Variants in AIG1 observed in about 807,000 individuals in gnomAD.
AIG1 encodes androgen induced 1, also known as androgen-induced gene 1 protein.
Under a neutral mutation model 31.4 loss-of-function variants are expected in AIG1, and 23 were observed. The ratio of observed to expected loss-of-function variants is 0.73; its 90% CI spans 0.53 to 1.04. The LOEUF (loss-of-function observed/expected upper bound fraction) is 1.04. Ranked by LOEUF, AIG1 falls within the 50% of genes least tolerant of loss-of-function variation. The pLI, the probability that AIG1 is intolerant of heterozygous loss-of-function variation, is 0.00. For missense variants in AIG1, 274 were observed against 295.0 expected, an observed-to-expected ratio of 0.93 and a Z score of 0.52; for synonymous variants, 100 against 110.5, an observed-to-expected ratio of 0.90 and a Z score of 0.60.
intron 1 of AIG1, among the ~76,000 whole-genome samples, chr6:143,092,425 T>C (rs191851946): frequency 2.6e-4 from 40 of 152,074 alleles, no homozygotes; most frequent in African/African-American, 9.4e-4. Context: ...AACCTATATT[T>C]CTTAAATAAT....
intron 3 of AIG1, among the ~76,000 whole-genome samples, chr6:143,239,745 A>C (rs1794099501): frequency 6.6e-6 from 1 of 152,172 alleles, no homozygotes; most frequent in African/African-American, 2.4e-5. Context: ...TGGATTTTGG[A>C]CAATTGGATG....
intron 2 of AIG1, among the ~76,000 whole-genome samples, chr6:143,143,576 T>C (rs949169757): frequency 5.8e-5 from 8 of 137,630 alleles, no homozygotes; most frequent in African/African-American, 2.1e-4. Context: ...TAATATCTTC[T>C]GATCCTCTCT....
rs575341364 is a variant in AIG1 at position 143,092,137 on chromosome 6, C to T, written c.141+31071C>T. On this transcript the variant is annotated intron_variant, in intron 1 of 5. Transcript: ENST00000357847. ...ATTTATTTTTTGAGATAGGATATAT[C>T]TCTCTCACCCATGCTGGAATGCAGT... 6.6e-5 allele frequency among the ~76,000 whole-genome samples: 10 copies of T among 152,226 alleles called. No individual in the cohort carries two copies. The East Asian group carries it at 1.7e-3, about 26-fold the overall frequency.
chr6:143,170,451 C>T (rs1787389692), intron 3 of AIG1, among the ~76,000 whole-genome samples: 1 of 151,898 alleles, frequency 6.6e-6, no homozygotes, highest in African/African-American at 2.4e-5. Flanking sequence ...GGAGCTGTAC[C>T]CCTCCTGATC....
intron 3 of AIG1, among the ~76,000 whole-genome samples, chr6:143,166,318 C>T (rs556737285): frequency 1.6e-4 from 24 of 152,286 alleles, no homozygotes; most frequent in Non-Finnish European, 7.4e-5. Context: ...TAGCCATCCA[C>T]GGGGCCTGGC....
intron 4 of AIG1, among the ~76,000 whole-genome samples, chr6:143,312,824 A>G (rs926064088): frequency 6.6e-6 from 1 of 152,158 alleles, no homozygotes; most frequent in Non-Finnish European, 1.5e-5. Flanking sequence ...ACAACGGATT[A>G]ATAACTAGAA....
chr6:143,283,456 C>G (rs1797481845), intron 3 of AIG1, among the ~76,000 whole-genome samples: 2 of 152,252 alleles, frequency 1.3e-5, no homozygotes, highest in East Asian at 1.9e-4. Context: ...AATCATATAG[C>G]CTTTGACAAT....
intron 2 of AIG1, among the ~76,000 whole-genome samples, chr6:143,154,610 A>G (rs778887812): frequency 3.9e-5 from 6 of 152,174 alleles, no homozygotes; most frequent in Admixed American, 6.5e-5. Context: ...ACAAATATAT[A>G]TGTGTGATAC....
chr6:143,328,452 T>G lies in AIG1; in HGVS notation c.516-4830T>G, dbSNP rs529683467. ...GAAAGACTAAAGGCAAGTGGGAGGT[T>G]TAAAAAAAGTTGGGGAATAATCCCT... On this transcript the variant is annotated intron_variant, in intron 4 of 5. Transcript: ENST00000357847. The surrounding 1 kb of genome is among the most constrained non-coding windows in gnomAD (Gnocchi z 4.0). Among the ~76,000 whole-genome samples, 194 of 152,270 alleles carry G rather than the reference T, an allele frequency of 1.3e-3. No homozygotes were observed. The highest frequency in any genetic ancestry group is 4.5e-3 in the African/African-American group (189 of 41,566).
chr6:143,128,230 A>T (rs909938326), intron 1 of AIG1, among the ~76,000 whole-genome samples: 18 of 152,224 alleles, frequency 1.2e-4, no homozygotes, highest in African/African-American at 4.3e-4. Context: ...GAATTTGAGT[A>T]TACTTCCATA....
intron 3 of AIG1, among the ~76,000 whole-genome samples, chr6:143,168,795 C>A (rs561773621): frequency 2.0e-5 from 3 of 151,990 alleles, no homozygotes; most frequent in East Asian, 3.9e-4. Context: ...AGGAGTGAGA[C>A]CCTGTCTCAA....
At chr6:143,148,386 G>A (rs922730977) in intron 2 of AIG1, among the ~76,000 whole-genome samples, 5 of 150,804 alleles carry the variant, frequency 3.3e-5, no homozygotes, top group African/African-American at 1.2e-4. Context: ...GCACACGCCT[G>A]TAGTCCCAGC....
chr6:143,172,909 A>C (rs1220136026), intron 3 of AIG1, among the ~76,000 whole-genome samples: 1 of 151,982 alleles, frequency 6.6e-6, no homozygotes, highest in Non-Finnish European at 1.5e-5. Context: ...ATCAGTTGTA[A>C]TGTCTCCCAT....
chr6:143,143,289 G>T (rs937989480), intron 2 of AIG1, among the ~76,000 whole-genome samples: 2 of 150,622 alleles, frequency 1.3e-5, no homozygotes. Flanking sequence ...GAGGTCAGGA[G>T]ATCGAGACCA....
intron 1 of AIG1, among the ~76,000 whole-genome samples, chr6:143,069,597 G>C (rs1425818933): frequency 2.2e-4 from 33 of 152,102 alleles, no homozygotes; most frequent in Admixed American, 2.1e-3. Context: ...ATCTTTTCCT[G>C]TGCCTTTTAA....
intron 3 of AIG1, among the ~76,000 whole-genome samples, chr6:143,208,204 C>T (rs1346722979): frequency 6.6e-6 from 1 of 152,146 alleles, no homozygotes; most frequent in African/African-American, 2.4e-5. Flanking sequence ...TGCCCATGTC[C>T]TATTGCACGG....
At chr6:143,128,096 T>C (rs1782858303) in intron 1 of AIG1, among the ~76,000 whole-genome samples, 2 of 152,226 alleles carry the variant, frequency 1.3e-5, no homozygotes, top group South Asian at 4.1e-4. Flanking sequence ...GTCTAATGAA[T>C]TTGTCCTATA....
chr6:143,295,674 G>A (rs1439026175), intron 4 of AIG1, among the ~76,000 whole-genome samples: 2 of 151,908 alleles, frequency 1.3e-5, no homozygotes, highest in East Asian at 1.9e-4. Context: ...TCTTTTTCTC[G>A]GGGAAGCCCT....
intron 4 of AIG1, among the ~76,000 whole-genome samples, chr6:143,318,778 G>T (rs1260768070): frequency 2.7e-5 from 4 of 149,038 alleles, no homozygotes; most frequent in Admixed American, 2.0e-4. Context: ...AAAGAAATCA[G>T]CAAGGAAAAA....
Sources: gnomAD v4.1 joint callset for allele counts (sites outside exome capture counted in the v4.1 genomes callset) on GRCh38, gnomAD v4.1.1 for gene constraint, Gnocchi (gnomAD v3.1) non-coding constraint, MANE v1.5 for transcripts, NCBI Gene and HGNC (gene_info 2026-07-23, HGNC 2026-07-21) for gene names.